The following RAPGEF5 variants were observed in gnomAD, a reference collection of about 807,000 sequenced individuals.
The protein encoded by RAPGEF5 is Rap guanine nucleotide exchange factor 5, also known as M-Ras-regulated GEF.
RAPGEF5 carries 65 observed loss-of-function variants against 125.2 expected under a neutral mutation model. The observed-to-expected ratio is 0.52, with a 90% CI of 0.43 to 0.64. The LOEUF (loss-of-function observed/expected upper bound fraction) is 0.64. Ranked by LOEUF, RAPGEF5 falls within the 30% of genes least tolerant of loss-of-function variation. RAPGEF5 has a pLI of 0.00. For missense variants in RAPGEF5, 958 were observed against 1,048.1 expected (o/e 0.91, Z 1.19); for synonymous variants, 391 against 385.9 (o/e 1.01, Z -0.16).
At chr7:22,180,246 C>T (rs1427446244) in intron 11 of RAPGEF5, among the ~76,000 whole-genome samples, 1 of 152,120 alleles carries the variant, frequency 6.6e-6, no homozygotes, top group Non-Finnish European at 1.5e-5. Flanking sequence ...CCATTTGCCC[C>T]TTTTTTGGGA....
At chr7:22,262,673 A>G (rs1244900260) in intron 7 of RAPGEF5, among the ~76,000 whole-genome samples, 1 of 152,226 alleles carries the variant, frequency 6.6e-6, no homozygotes, top group Non-Finnish European at 1.5e-5. Context: ...AGAACTGGAA[A>G]CAACCCAGAT....
chr7:22,299,016 T>TA (rs1783133461), intron 5 of RAPGEF5, among the ~76,000 whole-genome samples: 1 of 150,748 alleles, frequency 6.6e-6, no homozygotes, highest in African/African-American at 2.5e-5. Context: ...AGAGATTTCG[T>TA]ACCTTTTTTT....
Position 22,204,232 on chromosome 7 carries a change from G to T in RAPGEF5, c.997-10199C>A, listed in dbSNP as rs374132709. ...TAGGATCTGAAACTTAGTTGTGTTT[G>T]ATACCTCCTGACTCAGTGAAGAACT... On this transcript the variant is annotated intron_variant, in intron 9 of 25. Transcript: ENST00000665637. 6.6e-5 allele frequency among the ~76,000 whole-genome samples: 10 copies of T among 152,270 alleles called. No individual in the cohort carries two copies. In the East Asian group the frequency reaches 1.2e-3, roughly 18 times the overall value.
At chr7:22,248,189 G>T (rs115749221) in intron 7 of RAPGEF5, among the ~76,000 whole-genome samples, 1 of 152,130 alleles carries the variant, frequency 6.6e-6, no homozygotes, top group Non-Finnish European at 1.5e-5. Flanking sequence ...CTGTGCTAGA[G>T]TAGGCCCTAG....
At chr7:22,194,720 T>C in intron 9 of RAPGEF5, 1 of 985,454 alleles carries the variant, frequency 1.0e-6, no homozygotes, top group Non-Finnish European at 1.2e-6. Flanking sequence ...GCACAGACTT[T>C]CTTCACCTCA....
In RAPGEF5 at chr7:22,150,374, G is replaced by C. The variant is rs1318777409; in HGVS notation, c.1884+33C>G. ...AGGTATGAGCCACCTCGCCTGGCCTGTTTGTTTCAAATACAAGGCTGAAGG... is the reference window on the plus strand; with the variant it reads ...AGGTATGAGCCACCTCGCCTGGCCTCTTTGTTTCAAATACAAGGCTGAAGG... On this transcript the variant is annotated intron_variant, in intron 18 of 25. Transcript: ENST00000665637. 4 of 1,591,026 alleles carry C rather than the reference G, an allele frequency of 2.5e-6. No homozygotes were observed. In the African/African-American group the frequency reaches 5.4e-5, roughly 22 times the overall value.
chr7:22,276,800 C>T (rs1056503966), intron 6 of RAPGEF5, among the ~76,000 whole-genome samples: 6 of 152,062 alleles, frequency 3.9e-5, no homozygotes, highest in Admixed American at 1.3e-4. Context: ...GAGATTTAGA[C>T]GAATTAACAT....
intron 25 of RAPGEF5, among the ~76,000 whole-genome samples, chr7:22,124,996 G>A (rs1357343689): frequency 6.6e-6 from 1 of 152,148 alleles, no homozygotes; most frequent in Non-Finnish European, 1.5e-5. Flanking sequence ...TTCCTGCAAT[G>A]TTCTAACACC....
In RAPGEF5 at chr7:22,119,247, T is replaced by C. The variant is rs982186032; in HGVS notation, c.*3159A>G. The C allele has an allele frequency of 6.6e-6, 1 of 152,230 alleles. No individual in the cohort carries two copies. The highest frequency in any genetic ancestry group is 2.4e-5 in the African/African-American group (1 of 41,460). 9.4% of individuals were successfully genotyped at this position (152,230 alleles called of 1,614,324 possible). ...CCACTCAGAGGCAAGTATATATTCATGCAGCATCCTCTCCCTGTGGACTAG... is the reference window on the plus strand; with the variant it reads ...CCACTCAGAGGCAAGTATATATTCACGCAGCATCCTCTCCCTGTGGACTAG... On this transcript the variant is annotated 3_prime_UTR_variant, in exon 26 of 26. Transcript: ENST00000665637. This position sits in a 1 kb window ranked among gnomAD's most constrained non-coding sequence, Gnocchi z 4.1.
chr7:22,204,534 C>A (rs1356405041), intron 9 of RAPGEF5, among the ~76,000 whole-genome samples: 1 of 152,122 alleles, frequency 6.6e-6, no homozygotes, highest in Non-Finnish European at 1.5e-5. Context: ...AGTATTTATG[C>A]AAGTTATGGA....
At chr7:22,153,110 G>A (rs1015120315) in intron 17 of RAPGEF5, among the ~76,000 whole-genome samples, 2 of 152,114 alleles carry the variant, frequency 1.3e-5, no homozygotes, top group African/African-American at 2.4e-5. Flanking sequence ...GCTCCCAAAG[G>A]AGACGGGTCT....
chr7:22,206,374 T>G (rs372035760), intron 9 of RAPGEF5, among the ~76,000 whole-genome samples: 50 of 152,130 alleles, frequency 3.3e-4, no homozygotes, highest in Non-Finnish European at 5.1e-4. Context: ...TCAAGAAATC[T>G]TACATTACAA....
At chr7:22,347,693 G>A (rs1784249664) in intron 1 of RAPGEF5, among the ~76,000 whole-genome samples, 1 of 152,154 alleles carries the variant, frequency 6.6e-6, no homozygotes. Flanking sequence ...CTCTTATTGG[G>A]TGATCTTAGG....
chr7:22,140,932 C>T (rs954861892), intron 20 of RAPGEF5, among the ~76,000 whole-genome samples: 1 of 152,140 alleles, frequency 6.6e-6, no homozygotes, highest in South Asian at 2.1e-4. Context: ...AAAAATTACC[C>T]TCCCTTGATC....
At chr7:22,317,097 C>A (rs1783617084) in intron 2 of RAPGEF5, among the ~76,000 whole-genome samples, 1 of 151,894 alleles carries the variant, frequency 6.6e-6, no homozygotes, top group Non-Finnish European at 1.5e-5. Context: ...TTCACTCAGT[C>A]ATTCAAAAAG....
intron 6 of RAPGEF5, among the ~76,000 whole-genome samples, chr7:22,273,970 C>T (rs1360957809): frequency 1.3e-5 from 2 of 152,132 alleles, no homozygotes; most frequent in Admixed American, 6.5e-5. Flanking sequence ...TTCAACTTGA[C>T]GAACACAGCC....
chr7:22,337,747 T>C (rs1488087719), intron 1 of RAPGEF5, among the ~76,000 whole-genome samples: 1 of 152,204 alleles, frequency 6.6e-6, no homozygotes, highest in East Asian at 1.9e-4. Context: ...TGGGACCATG[T>C]CCAGCGTGAT....
chr7:22,261,682 T>G (rs1782159122), intron 7 of RAPGEF5, among the ~76,000 whole-genome samples: 1 of 152,182 alleles, frequency 6.6e-6, no homozygotes, highest in South Asian at 2.1e-4. Context: ...ATAGCTACAG[T>G]AATCAATATT....
intron 1 of RAPGEF5, among the ~76,000 whole-genome samples, chr7:22,353,178 G>C (rs1336063761): frequency 6.6e-6 from 1 of 152,164 alleles, no homozygotes; most frequent in Non-Finnish European, 1.5e-5. Context: ...CCAGACAGTA[G>C]GATGTTCTAC....
Sources: gnomAD v4.1 joint callset for allele counts (sites outside exome capture counted in the v4.1 genomes callset) on GRCh38, gnomAD v4.1.1 for gene constraint, Gnocchi (gnomAD v3.1) non-coding constraint, MANE v1.5 for transcripts, NCBI Gene and HGNC (gene_info 2026-07-23, HGNC 2026-07-21) for gene names.